SLC4A4: variants seen among roughly 807,000 people sequenced by gnomAD.
The protein encoded by SLC4A4 is solute carrier family 4 member 4, also known as electrogenic sodium bicarbonate cotransporter 1.
SLC4A4 carries 27 observed loss-of-function variants against 111.5 expected under a neutral mutation model. That is an observed-to-expected ratio of 0.24 (90% CI 0.18 to 0.33). The LOEUF is 0.33. SLC4A4 is among the 10% of genes least tolerant of loss of function. SLC4A4 has a pLI of 1.00. For synonymous variants in SLC4A4, 443 were observed against 463.4 expected (o/e 0.96, Z 0.57); for missense variants, 909 against 1,315.5 (o/e 0.69, Z 4.78).
chr4:71,474,553 A>G (rs1728180548), intron 14 of SLC4A4, among the ~76,000 whole-genome samples: 1 of 151,864 alleles, frequency 6.6e-6, no homozygotes, highest in Non-Finnish European at 1.5e-5. Flanking sequence ...GAAGACTGAT[A>G]TGTGTCTTGA....
At chr4:71,240,348 C>G (rs1012176024) in intron 2 of SLC4A4, among the ~76,000 whole-genome samples, 3 of 152,182 alleles carry the variant, frequency 2.0e-5, no homozygotes, top group African/African-American at 7.2e-5. Context: ...CAGGCCTTGG[C>G]AACTCTGACT....
At chr4:71,231,885 T>C (rs1325634637) in intron 1 of SLC4A4, among the ~76,000 whole-genome samples, 1 of 152,192 alleles carries the variant, frequency 6.6e-6, no homozygotes, top group Non-Finnish European at 1.5e-5. Context: ...AAAAGATATC[T>C]CTGTCTTACT....
At chr4:71,290,195 G>A (rs1388732760) in intron 3 of SLC4A4, among the ~76,000 whole-genome samples, 3 of 152,160 alleles carry the variant, frequency 2.0e-5, no homozygotes, top group Non-Finnish European at 2.9e-5. Flanking sequence ...TCAAGTCTTG[G>A]CCATCGACTT....
intron 2 of SLC4A4, among the ~76,000 whole-genome samples, chr4:71,248,543 G>A (rs1720842836): frequency 6.6e-6 from 1 of 151,900 alleles, no homozygotes; most frequent in Admixed American, 6.6e-5. Context: ...TTTGAAGATT[G>A]AAAAGCTCTT....
intron 2 of SLC4A4, among the ~76,000 whole-genome samples, chr4:71,103,428 A>G (rs1742818405): frequency 6.6e-6 from 1 of 152,204 alleles, no homozygotes; most frequent in Admixed American, 6.5e-5. Context: ...GACCTAATAG[A>G]CATCTACAGA....
chr4:71,382,189 A>G (rs895672165), intron 6 of SLC4A4, among the ~76,000 whole-genome samples: 3 of 152,214 alleles, frequency 2.0e-5, no homozygotes, highest in Non-Finnish European at 2.9e-5. Flanking sequence ...TTTTCCAAAA[A>G]AAAAAAATCA....
At chr4:71,353,338 G>A (rs559064427) in intron 5 of SLC4A4, among the ~76,000 whole-genome samples, 2 of 152,276 alleles carry the variant, frequency 1.3e-5, no homozygotes, top group East Asian at 3.9e-4. Context: ...AGCCAGTGCT[G>A]TCATTCTGGA....
chr4:71,429,132 G>A (rs1723412773), intron 7 of SLC4A4, among the ~76,000 whole-genome samples: 1 of 152,074 alleles, frequency 6.6e-6, no homozygotes, highest in South Asian at 2.1e-4. Flanking sequence ...AGGTCTGAGA[G>A]CAATGGTAAG....
intron 1 of SLC4A4, among the ~76,000 whole-genome samples, chr4:71,090,037 G>T (rs1421409179): frequency 6.6e-6 from 1 of 151,700 alleles, no homozygotes; most frequent in Non-Finnish European, 1.5e-5. Context: ...GCTGTGGTGG[G>T]CTCCACCCAG....
At chr4:71,430,126 T>C (rs1040508580) in intron 7 of SLC4A4, among the ~76,000 whole-genome samples, 1 of 152,158 alleles carries the variant, frequency 6.6e-6, no homozygotes, top group Non-Finnish European at 1.5e-5. Context: ...AGAACCTTTT[T>C]TGAACTCTGT....
intron 3 of SLC4A4, among the ~76,000 whole-genome samples, chr4:71,264,407 C>A (rs1722088812): frequency 6.6e-6 from 1 of 151,972 alleles, no homozygotes; most frequent in South Asian, 2.1e-4. Context: ...CAAGATAAAC[C>A]AATTATATTT....
intron 6 of SLC4A4, among the ~76,000 whole-genome samples, chr4:71,384,806 T>A (rs1304744124): frequency 6.6e-6 from 1 of 151,944 alleles, no homozygotes; most frequent in African/African-American, 2.4e-5. Flanking sequence ...TTGTAGCAAA[T>A]ATTGACAGGG....
In SLC4A4 at chr4:71,555,223, A is replaced by G. The variant is rs200099883; in HGVS notation, c.2763+15A>G. 7.2e-6 allele frequency: 11 copies of G among 1,531,742 alleles called. No individual in the cohort carries two copies. The highest frequency in any genetic ancestry group is 1.7e-5 in the Admixed American group (1 of 59,756). The allele number at this position is 1,531,742 out of a possible 1,614,324, so 94.9% of individuals were successfully genotyped here. Reference sequence around the variant, plus strand: ...ATGGTGTGCAGGTAAGTTTTTGAATAGCAATGTAAGTACAGTAGTGTTTTT... The same window carrying G: ...ATGGTGTGCAGGTAAGTTTTTGAATGGCAATGTAAGTACAGTAGTGTTTTT... On this transcript the variant is annotated intron_variant, in intron 21 of 25. Transcript: ENST00000264485.
At chr4:71,287,825 A>C (rs1041866842) in intron 3 of SLC4A4, among the ~76,000 whole-genome samples, 3 of 152,254 alleles carry the variant, frequency 2.0e-5, no homozygotes, top group Non-Finnish European at 4.4e-5. Flanking sequence ...CTGGACTAGA[A>C]GTCAAAACAA....
At chr4:71,405,614 C>T (rs28424051) in intron 7 of SLC4A4, among the ~76,000 whole-genome samples, 52 of 152,098 alleles carry the variant, frequency 3.4e-4, no homozygotes, top group African/African-American at 1.0e-3. Context: ...GCTGGATTAC[C>T]GTGTATTGCG....
chr4:71,107,426 A>G lies in SLC4A4; in HGVS notation c.-2+14634A>G, dbSNP rs548326934. Among the ~76,000 whole-genome samples the G allele has an allele frequency of 1.0e-3, 156 of 152,020 alleles. 1 individual carries two copies. The highest frequency in any genetic ancestry group is 3.6e-3 in the African/African-American group (151 of 41,452). Reference sequence around the variant, plus strand: ...CAGTGGTGCCCTCTCGGCTCATTGCAACCTCTGCCTCCCAGGTTCAAGGGA... The same window carrying G: ...CAGTGGTGCCCTCTCGGCTCATTGCGACCTCTGCCTCCCAGGTTCAAGGGA... On this transcript the variant is annotated intron_variant, in intron 2 of 26. Transcript: ENST00000649996.
At position 71,311,912 on chromosome 4, in the gene SLC4A4, AG is replaced by A. The variant is rs1726216046; in HGVS notation, c.254-27457del. On this transcript the variant is annotated intron_variant, in intron 3 of 25. Coordinates refer to ENST00000264485, the MANE Select transcript of SLC4A4 (RefSeq NM_001098484.3). Reference sequence around the variant, plus strand: ...CTGTGAGAGAGAGAGAGAGAGAGAGAGAGAGAGAGAGAGAGAGAGAGAAGGA... The same window carrying A: ...CTGTGAGAGAGAGAGAGAGAGAGAGAAGAGAGAGAGAGAGAGAGAGAAGGA... Among the ~76,000 whole-genome samples the A allele has an allele frequency of 2.6e-5, 4 of 151,460 alleles. No homozygotes were observed. The South Asian group carries it at 8.4e-4, about 32-fold the overall frequency.
chr4:71,268,461 A>T (rs898016590), intron 3 of SLC4A4, among the ~76,000 whole-genome samples: 1 of 152,142 alleles, frequency 6.6e-6, no homozygotes, highest in African/African-American at 2.4e-5. Context: ...AGAGCATGGA[A>T]GTGTTTATGG....
intron 1 of SLC4A4, among the ~76,000 whole-genome samples, chr4:71,086,728 A>G (rs1333019666): frequency 1.3e-5 from 2 of 151,954 alleles, no homozygotes; most frequent in African/African-American, 2.4e-5. Context: ...CATATGTTGA[A>G]CCAGCCTTGC....
Sources: gnomAD v4.1 joint callset for allele counts (sites outside exome capture counted in the v4.1 genomes callset) on GRCh38, gnomAD v4.1.1 for gene constraint, MANE v1.5 for transcripts, NCBI Gene and HGNC (gene_info 2026-07-23, HGNC 2026-07-21) for gene names.